TMEM54: variants seen among roughly 807,000 people sequenced by gnomAD.
The protein encoded by TMEM54 is transmembrane protein 54, also known as beta-casein-like protein.
In TMEM54, 21 loss-of-function variants were observed where a neutral mutation model predicts 21.3. The observed-to-expected ratio is 0.99, with a 90% CI of 0.70 to 1.42. The LOEUF is 1.42. TMEM54 is among the 40% of genes most tolerant of loss of function. The probability of loss-of-function intolerance (pLI) is 0.00; values close to 1 mark genes in which losing one functional copy is unlikely to be tolerated. For synonymous variants in TMEM54, 109 were observed against 125.0 expected, an observed-to-expected ratio of 0.87 and a Z score of 0.86; for missense variants, 246 against 294.0, an observed-to-expected ratio of 0.84 and a Z score of 1.19.
At chr1:32,899,423 G>A (rs976978374) in intron 1 of TMEM54, among the ~76,000 whole-genome samples, 3 of 151,574 alleles carry the variant, frequency 2.0e-5, no homozygotes, top group East Asian at 3.8e-4. Flanking sequence ...AAAAGAGGCT[G>A]GGCACAGTGG....
Position 32,896,058 on chromosome 1 carries a change from C to A in TMEM54, c.211-89G>T, listed in dbSNP as rs572276537. The stretch of plus-strand genomic sequence containing the variant: ...GGCCACTCTGGGATAATGATCTCAC[C>A]GGCGCCAACCATTGCCCTCCAGACT... On this transcript the variant is annotated intron_variant, in intron 2 of 5. Transcript: ENST00000373463. The surrounding 1 kb of genome is among the most constrained non-coding windows in gnomAD (Gnocchi z 4.1). 5 of 1,422,186 alleles carry A rather than the reference C, an allele frequency of 3.5e-6. No individual in the cohort carries two copies. The highest frequency in any genetic ancestry group is 1.9e-6 in the Non-Finnish European group (2 of 1,050,084). The allele number at this position is 1,422,186 out of a possible 1,614,324, so 88.1% of individuals were successfully genotyped here.
rs1284960641 is a variant in TMEM54 at position 32,901,172 on chromosome 1, G to A, written c.16+51C>T. 2 of 1,439,552 alleles carry A rather than the reference G, an allele frequency of 1.4e-6. No individual in the cohort carries two copies. The highest frequency in any genetic ancestry group is 9.3e-7 in the Non-Finnish European group (1 of 1,079,544). 89.2% of individuals were successfully genotyped at this position (1,439,552 alleles called of 1,614,324 possible). On this transcript the variant is annotated intron_variant, in intron 1 of 5. Coordinates refer to ENST00000373463, the MANE Select transcript of TMEM54 (RefSeq NM_033504.4). This position sits in a 1 kb window ranked among gnomAD's most constrained non-coding sequence, Gnocchi z 4.2. ...GTTCCGGGCTCAGTGCTCCGCTCCT[G>A]TGGGAGGGTTGGGGTGGTTCGGGGC... is the stretch of plus-strand genomic sequence containing the variant.
At position 32,895,561 on chromosome 1, in the gene TMEM54, G is replaced by A. The variant is rs555338609; in HGVS notation, c.453C>T (p.Arg151=). ...LAPDCPFDPT[R]IYSSSLCLWG... is the part of the protein sequence containing the mutation. ...TCCAGGCCTAGGTACTCACATAAATGCGTGTGGGGTCGAAGGGACAGTCAG... is the reference window on the plus strand; with the variant it reads ...TCCAGGCCTAGGTACTCACATAAATACGTGTGGGGTCGAAGGGACAGTCAG... The change falls in exon 4 of 6, where the codon CGC becomes CGT. Residue 151 remains arginine (R), a synonymous_variant. Coordinates refer to ENST00000373463, the MANE Select transcript of TMEM54 (RefSeq NM_033504.4). This position sits in a 1 kb window ranked among gnomAD's most constrained non-coding sequence, Gnocchi z 5.8. 2.4e-5 allele frequency: 39 copies of A among 1,593,772 alleles called. 1 individual carries two copies. The South Asian group carries it at 4.2e-4, about 17-fold the overall frequency.
rs2124061115 is a variant in TMEM54 at position 32,901,269 on chromosome 1, T to C, written c.-31A>G. On this transcript the variant is annotated 5_prime_UTR_variant, in exon 1 of 6. An upstream open reading frame in the 5' UTR loses its in-frame stop. Coordinates refer to ENST00000373463, the MANE Select transcript of TMEM54 (RefSeq NM_033504.4). The surrounding 1 kb of genome is among the most constrained non-coding windows in gnomAD (Gnocchi z 4.2). The stretch of plus-strand genomic sequence containing the variant: ...CTCCGCGCTGGTCCCGCCCCCGGCT[T>C]CAGCGCGGCTCCCGAGGCTGCGGGC... The C allele has an allele frequency of 7.2e-7, 1 of 1,387,882 alleles. No homozygotes were observed. Among genetic ancestry groups the C allele is most frequent in the South Asian group, 1.7e-5 (1 of 58,492 alleles). 86.0% of individuals were successfully genotyped at this position (1,387,882 alleles called of 1,614,324 possible).
In TMEM54 at chr1:32,901,157, C is replaced by T; in HGVS notation, c.16+66G>A. ...CCCCTGGGGGCTCGGGTTCCGGGCT[C>T]AGTGCTCCGCTCCTGTGGGAGGGTT... On this transcript the variant is annotated intron_variant, in intron 1 of 5. Transcript: ENST00000373463. This position sits in a 1 kb window ranked among gnomAD's most constrained non-coding sequence, Gnocchi z 4.2. 7.3e-7 allele frequency: 1 copy of T among 1,378,500 alleles called. No individual in the cohort carries two copies. Among genetic ancestry groups the T allele is most frequent in the Non-Finnish European group, 9.5e-7 (1 of 1,050,538 alleles). The allele number at this position is 1,378,500 out of a possible 1,614,324, so 85.4% of individuals were successfully genotyped here.
chr1:32,894,766 G>T lies in TMEM54; in HGVS notation c.*39C>A, dbSNP rs760997904. The T allele has an allele frequency of 2.5e-6, 4 of 1,589,016 alleles. No individual in the cohort carries two copies. The highest frequency in any genetic ancestry group is 2.2e-5 in the South Asian group (2 of 90,394). The stretch of plus-strand genomic sequence containing the variant: ...GGTCACAGAGCAGAGTTGCTTGCAG[G>T]GTCCTAGTGGCCATCGGGCCTGGGC... On this transcript the variant is annotated 3_prime_UTR_variant, in exon 6 of 6. Coordinates refer to ENST00000373463, the MANE Select transcript of TMEM54 (RefSeq NM_033504.4).
Position 32,894,898 on chromosome 1 carries a change from C to T in TMEM54, c.595-19G>A. On this transcript the variant is annotated intron_variant, in intron 5 of 5. Coordinates refer to ENST00000373463, the MANE Select transcript of TMEM54 (RefSeq NM_033504.4). ...CCCGCATCTGCAGAGACACAGGAGGCTGCCAGACCCACTGGTTCTCAGCCT... is the reference window on the plus strand; with the variant it reads ...CCCGCATCTGCAGAGACACAGGAGGTTGCCAGACCCACTGGTTCTCAGCCT... The T allele has an allele frequency of 6.2e-7, 1 of 1,603,294 alleles. No homozygotes were observed. Among genetic ancestry groups the T allele is most frequent in the Non-Finnish European group, 8.5e-7 (1 of 1,171,134 alleles).
Position 32,895,567 on chromosome 1 carries a change from G to T in TMEM54, c.447C>A (p.Pro149=), listed in dbSNP as rs757675550. 6.3e-7 allele frequency: 1 copy of T among 1,592,084 alleles called. No homozygotes were observed. The highest frequency in any genetic ancestry group is 1.1e-5 in the South Asian group (1 of 87,706). The change falls in exon 4 of 6, where the codon CCC becomes CCA. Residue 149 remains proline (P), a synonymous_variant. Transcript: ENST00000373463. The surrounding 1 kb of genome is among the most constrained non-coding windows in gnomAD (Gnocchi z 5.8). Reference sequence around the variant, plus strand: ...CCTAGGTACTCACATAAATGCGTGTGGGGTCGAAGGGACAGTCAGGTGCGA... The same window carrying T: ...CCTAGGTACTCACATAAATGCGTGTTGGGTCGAAGGGACAGTCAGGTGCGA... ...LALAPDCPFD[P]TRIYSSSLCL... is the part of the protein sequence containing the mutation.
rs768620481 is a variant in TMEM54, at chr1:32,898,184, T to G, written c.152A>C (p.Asp51Ala). 17 of 1,612,284 alleles carry G rather than the reference T, an allele frequency of 1.1e-5. No homozygotes were observed. Among genetic ancestry groups the G allele is most frequent in the Admixed American group, 1.7e-5 (1 of 59,978 alleles). ...TVLRYVGTPQ[D>A]AVALQYCVVN... is the part of the protein sequence containing the mutation. ...CACGCAGTACTGCAGAGCCACCGCA[T>G]CTTGAGGGGTGCCCACGTAGCGCAG... Residue 51 changes from aspartate (D) to alanine (A), a missense_variant, in exon 2 of 6, where the codon GAT becomes GCT. Physicochemically the swap from Asp to Ala is moderately radical, Grantham distance 126 (BLOSUM62 -2). Coordinates refer to ENST00000373463, the MANE Select transcript of TMEM54 (RefSeq NM_033504.4).
Position 32,896,466 on chromosome 1 carries a change from C to T in TMEM54, c.211-497G>A, listed in dbSNP as rs1320672698. Among the ~76,000 whole-genome samples the T allele has an allele frequency of 1.3e-5, 2 of 152,230 alleles. No homozygotes were observed. The highest frequency in any genetic ancestry group is 2.9e-5 in the Non-Finnish European group (2 of 68,048). On this transcript the variant is annotated intron_variant, in intron 2 of 5. Coordinates refer to ENST00000373463, the MANE Select transcript of TMEM54 (RefSeq NM_033504.4). The surrounding 1 kb of genome is among the most constrained non-coding windows in gnomAD (Gnocchi z 4.1). Reference sequence around the variant, plus strand: ...AGCCCCAACCCTGTTGGCTTCTCAGCCCTACCTGGGCTACCTTCCTCCCTC... The same window carrying T: ...AGCCCCAACCCTGTTGGCTTCTCAGTCCTACCTGGGCTACCTTCCTCCCTC...
At position 32,898,157 on chromosome 1, in the gene TMEM54, A is replaced by C; in HGVS notation, c.179T>G (p.Val60Gly). 1.2e-6 allele frequency: 2 copies of C among 1,601,586 alleles called. No homozygotes were observed. Reference protein sequence around the residue: ...QDAVALQYCVVNILSVTSAIV... With the variant: ...QDAVALQYCVGNILSVTSAIV... Reference sequence around the variant, plus strand: ...GGCGGAAGTGACAGAGAGGATGTTGACCACGCAGTACTGCAGAGCCACCGC... The same window carrying C: ...GGCGGAAGTGACAGAGAGGATGTTGCCCACGCAGTACTGCAGAGCCACCGC... The change falls in exon 2 of 6, where the codon GTC (valine) becomes GGC (glycine). Residue 60 changes from valine (V) to glycine (G), a missense_variant. Physicochemically the swap from Val to Gly is moderately radical, Grantham distance 109. Coordinates refer to ENST00000373463, the MANE Select transcript of TMEM54 (RefSeq NM_033504.4).
chr1:32,895,222 A>T lies in TMEM54; in HGVS notation c.594+83T>A. The T allele has an allele frequency of 1.3e-6, 2 of 1,504,732 alleles. No individual in the cohort carries two copies. The highest frequency in any genetic ancestry group is 2.6e-5 in the South Asian group (2 of 76,780). 93.2% of individuals were successfully genotyped at this position (1,504,732 alleles called of 1,614,324 possible). ...CATTTCTCAAGGTGGGGGCCCATAC[A>T]TAGGGGTGGGGCAGAGCAGCTTGGG... is the stretch of plus-strand genomic sequence containing the variant. On this transcript the variant is annotated intron_variant, in intron 5 of 5. Transcript: ENST00000373463. The surrounding 1 kb of genome is among the most constrained non-coding windows in gnomAD (Gnocchi z 5.8).
At position 32,896,625 on chromosome 1, in the gene TMEM54, TCGA is replaced by T. The variant is rs1641606426; in HGVS notation, c.211-659_211-657del. On this transcript the variant is annotated intron_variant, in intron 2 of 5. Coordinates refer to ENST00000373463, the MANE Select transcript of TMEM54 (RefSeq NM_033504.4). This position sits in a 1 kb window ranked among gnomAD's most constrained non-coding sequence, Gnocchi z 4.1. ...TTTGCACACGTTTCCCTAACCAGCC[TCGA>T]TCCCAAGGGGTGGGGCTACCCCACA... 2.6e-5 allele frequency among the ~76,000 whole-genome samples: 4 copies of T among 152,332 alleles called. No individual in the cohort carries two copies. The East Asian group carries it at 7.7e-4, about 29-fold the overall frequency.
At chr1:32,899,436 A>C (rs563180239) in intron 1 of TMEM54, among the ~76,000 whole-genome samples, 4 of 151,702 alleles carry the variant, frequency 2.6e-5, no homozygotes, top group African/African-American at 9.7e-5. Flanking sequence ...CACAGTGGTC[A>C]TGCCTCTAAT....
At position 32,900,542 on chromosome 1, in the gene TMEM54, A is replaced by C. The variant is rs1035156334; in HGVS notation, c.16+681T>G. On this transcript the variant is annotated intron_variant, in intron 1 of 5. Coordinates refer to ENST00000373463, the MANE Select transcript of TMEM54 (RefSeq NM_033504.4). Reference sequence around the variant, plus strand: ...ATTTGTCTTACCACTGTGGGAGCGCATAGCAGCGCAGCCGGCAAGGTGCTA... The same window carrying C: ...ATTTGTCTTACCACTGTGGGAGCGCCTAGCAGCGCAGCCGGCAAGGTGCTA... Among the ~76,000 whole-genome samples, 6 of 152,304 alleles carry C rather than the reference A, an allele frequency of 3.9e-5. No individual in the cohort carries two copies. The South Asian group carries it at 1.2e-3, about 32-fold the overall frequency.
At chr1:32,898,103 C>A (rs1641639781) in intron 2 of TMEM54, 23 bp downstream of exon 2, 1 of 1,575,560 alleles carries the variant, frequency 6.3e-7, no homozygotes, top group South Asian at 1.1e-5. Flanking sequence ...CTCCCACCAA[C>A]CACCCTCCCA....
rs565886491 is a variant in TMEM54, at chr1:32,898,315, G to T, written c.21C>A (p.Gly7=). 68 of 1,598,706 alleles carry T rather than the reference G, an allele frequency of 4.3e-5. No individual in the cohort carries two copies. In the South Asian group the frequency reaches 7.3e-4, roughly 17 times the overall value. The change falls in exon 2 of 6, where the codon GGC becomes GGA. Residue 7 remains glycine (G), a synonymous_variant. Transcript: ENST00000373463. The stretch of plus-strand genomic sequence containing the variant: ...CCTTCCGGAAGTCGCCCACACTCAG[G>T]CCTCCTGTGGGGGACAGCTATGTCA... MCLRLG[G]LSVGDFRKVL...
intron 1 of TMEM54, among the ~76,000 whole-genome samples, chr1:32,900,533 T>C (rs1027667156): frequency 3.3e-5 from 5 of 152,196 alleles, no homozygotes; most frequent in African/African-American, 1.2e-4. Context: ...CTTACCACTG[T>C]GGGAGCGCAT....
rs570652899 is a variant in TMEM54 at position 32,895,230 on chromosome 1, G to A, written c.594+75C>T. ...AAGGTGGGGGCCCATACATAGGGGT[G>A]GGGCAGAGCAGCTTGGGCACCCTGG... On this transcript the variant is annotated intron_variant, in intron 5 of 5. Coordinates refer to ENST00000373463, the MANE Select transcript of TMEM54 (RefSeq NM_033504.4). The surrounding 1 kb of genome is among the most constrained non-coding windows in gnomAD (Gnocchi z 5.8). The A allele has an allele frequency of 2.6e-6, 4 of 1,529,588 alleles. No individual in the cohort carries two copies. The highest frequency in any genetic ancestry group is 3.5e-6 in the Non-Finnish European group (4 of 1,130,044). 94.8% of individuals were successfully genotyped at this position (1,529,588 alleles called of 1,614,324 possible).
Sources: allele counts gnomAD v4.1 joint callset (sites outside exome capture counted in the v4.1 genomes callset), GRCh38; gene constraint gnomAD v4.1.1; non-coding constraint Gnocchi (gnomAD v3.1); transcripts MANE v1.5; gene names NCBI Gene and HGNC (gene_info 2026-07-23, HGNC 2026-07-21).